Variants in STT3B observed in about 807,000 individuals in gnomAD.
The protein encoded by STT3B is STT3 oligosaccharyltransferase complex catalytic subunit B.
STT3B carries 29 observed loss-of-function variants against 96.8 expected under a neutral mutation model. The observed-to-expected ratio is 0.30, with a 90% CI of 0.22 to 0.41. The LOEUF is 0.41. Ranked by LOEUF, STT3B falls within the 10% of genes least tolerant of loss-of-function variation. The pLI is 1.00. For synonymous variants in STT3B, 367 were observed against 360.0 expected, an observed-to-expected ratio of 1.02 and a Z score of -0.22; for missense variants, 640 against 1,022.3, an observed-to-expected ratio of 0.63 and a Z score of 5.10.
intron 1 of STT3B, among the ~76,000 whole-genome samples, chr3:31,549,919 G>A (rs940976379): frequency 2.0e-5 from 3 of 152,064 alleles, no homozygotes; most frequent in African/African-American, 4.8e-5. Context: ...GCTGAGCAAA[G>A]TGTCACCGGA....
chr3:31,631,017 C>T (rs529158748), intron 14 of STT3B, among the ~76,000 whole-genome samples: 25 of 152,246 alleles, frequency 1.6e-4, no homozygotes, highest in Middle Eastern at 3.4e-3. Flanking sequence ...AGGATGGTCT[C>T]GATCTGACCT....
chr3:31,628,333 T>C (rs955707276), intron 13 of STT3B, among the ~76,000 whole-genome samples: 1 of 152,342 alleles, frequency 6.6e-6, no homozygotes, highest in Non-Finnish European at 1.5e-5. Context: ...TGGTGATTTT[T>C]CCATGTTAGA....
intron 1 of STT3B, among the ~76,000 whole-genome samples, chr3:31,534,800 T>G (rs1697044810): frequency 6.6e-6 from 1 of 152,226 alleles, no homozygotes. Context: ...GATTTTGTTT[T>G]CTAACACTAG....
intron 1 of STT3B, among the ~76,000 whole-genome samples, chr3:31,564,692 A>G (rs928616311): frequency 2.0e-5 from 3 of 152,228 alleles, no homozygotes; most frequent in African/African-American, 7.2e-5. Flanking sequence ...CTGTAAATCA[A>G]TGCTATTTCG....
intron 1 of STT3B, among the ~76,000 whole-genome samples, chr3:31,556,737 A>T (rs544624578): frequency 2.6e-4 from 40 of 152,070 alleles, no homozygotes; most frequent in African/African-American, 9.6e-4. Context: ...TATTAATGTG[A>T]TGATGATGAT....
intron 5 of STT3B, among the ~76,000 whole-genome samples, chr3:31,604,736 T>G (rs1699010622): frequency 6.6e-6 from 1 of 152,156 alleles, no homozygotes; most frequent in African/African-American, 2.4e-5. Flanking sequence ...CTTTTAAAAG[T>G]TTTGGAGATA....
At position 31,600,471 on chromosome 3, in the gene STT3B, G is replaced by A. The variant is rs1330572397; in HGVS notation, c.877+12G>A. 1 of 1,254,968 alleles carries A rather than the reference G, an allele frequency of 8.0e-7. No homozygotes were observed. Among genetic ancestry groups the A allele is most frequent in the Non-Finnish European group, 1.2e-6 (1 of 867,680 alleles). 77.7% of individuals were successfully genotyped at this position (1,254,968 alleles called of 1,614,324 possible). A position where few individuals can be genotyped will look rare whatever the true frequency, so the allele number is the denominator to read the frequency against. Reference sequence around the variant, plus strand: ...AAGAGTCTACATAGGTAAGTAATTTGATTTTTGACATCTGTCAACTAAGAG... The same window carrying A: ...AAGAGTCTACATAGGTAAGTAATTTAATTTTTGACATCTGTCAACTAAGAG... On this transcript the variant is annotated intron_variant, in intron 5 of 15. Transcript: ENST00000295770.
At chr3:31,608,869 C>T (rs1419217120) in intron 5 of STT3B, among the ~76,000 whole-genome samples, 1 of 152,174 alleles carries the variant, frequency 6.6e-6, no homozygotes, top group Non-Finnish European at 1.5e-5. Context: ...GTAATCCCAG[C>T]ACTTTGGGAG....
At chr3:31,558,038 C>A (rs961731128) in intron 1 of STT3B, among the ~76,000 whole-genome samples, 1 of 152,194 alleles carries the variant, frequency 6.6e-6, no homozygotes, top group African/African-American at 2.4e-5. Flanking sequence ...TCGTATCCTG[C>A]AACTTTACTG....
chr3:31,619,567 A>G (rs1254955193), intron 8 of STT3B, 109 bp from the exon 9 acceptor site: 1 of 848,800 alleles, frequency 1.2e-6, no homozygotes. Context: ...TTAAATAAGA[A>G]GGGGTAGGGA....
intron 1 of STT3B, among the ~76,000 whole-genome samples, chr3:31,536,072 G>T (rs1697086489): frequency 6.6e-6 from 1 of 150,922 alleles, no homozygotes; most frequent in African/African-American, 2.4e-5. Flanking sequence ...CCTTGTTCTT[G>T]TTTTTTTTTC....
chr3:31,630,350 C>T (rs1175339873), intron 14 of STT3B, among the ~76,000 whole-genome samples: 1 of 152,174 alleles, frequency 6.6e-6, no homozygotes, highest in Non-Finnish European at 1.5e-5. Context: ...TATATGTACC[C>T]TTCTACTAGT....
intron 4 of STT3B, among the ~76,000 whole-genome samples, chr3:31,600,001 C>T (rs1306999403): frequency 2.0e-5 from 3 of 151,974 alleles, no homozygotes; most frequent in African/African-American, 7.2e-5. Flanking sequence ...AGGTAAAACC[C>T]GTTTTTTTAT....
chr3:31,570,515 G>A (rs894121337), intron 1 of STT3B, among the ~76,000 whole-genome samples: 12 of 152,162 alleles, frequency 7.9e-5, no homozygotes, highest in African/African-American at 2.4e-4. Flanking sequence ...ACGTTTCTAT[G>A]TAGACAGAGC....
chr3:31,543,986 A>G (rs1033286997), intron 1 of STT3B, among the ~76,000 whole-genome samples: 2 of 152,246 alleles, frequency 1.3e-5, no homozygotes, highest in Non-Finnish European at 2.9e-5. Flanking sequence ...GACAGATGAC[A>G]GCAATAGAAG....
intron 5 of STT3B, among the ~76,000 whole-genome samples, chr3:31,604,638 A>G (rs894332149): frequency 5.3e-5 from 8 of 152,252 alleles, no homozygotes; most frequent in African/African-American, 1.9e-4. Context: ...AGGAGTGTAT[A>G]TTATACAGTG....
intron 14 of STT3B, among the ~76,000 whole-genome samples, chr3:31,630,955 C>T (rs1379935631): frequency 1.3e-5 from 2 of 152,098 alleles, no homozygotes; most frequent in African/African-American, 4.8e-5. Context: ...TGCCACCACA[C>T]CTGGCTAATT....
intron 1 of STT3B, among the ~76,000 whole-genome samples, chr3:31,541,454 C>CT (rs1175760486): frequency 1.1e-4 from 13 of 121,398 alleles, no homozygotes; most frequent in South Asian, 7.6e-4. Flanking sequence ...GCTTTTGTGT[C>CT]TTTTTTTTTC....
At chr3:31,590,253 T>C (rs551886753) in intron 3 of STT3B, among the ~76,000 whole-genome samples, 2 of 152,074 alleles carry the variant, frequency 1.3e-5, no homozygotes, top group East Asian at 1.9e-4. Flanking sequence ...AGATAAAGCT[T>C]ATCCAACTTT....
Sources: allele counts gnomAD v4.1 joint callset (sites outside exome capture counted in the v4.1 genomes callset), GRCh38; gene constraint gnomAD v4.1.1; transcripts MANE v1.5; gene names NCBI Gene and HGNC (gene_info 2026-07-23, HGNC 2026-07-21).